The following TTN variants were observed in gnomAD, a reference collection of about 807,000 sequenced individuals.
TTN encodes the protein connectin.
Under a neutral mutation model 3,223.0 loss-of-function variants are expected in TTN, and 1,525 were observed. That is an observed-to-expected ratio of 0.47 (90% CI 0.45 to 0.49). The LOEUF is 0.49. Ranked by LOEUF, TTN falls within the 20% of genes least tolerant of loss-of-function variation. The probability of loss-of-function intolerance (pLI) is 0.00; values close to 1 mark genes in which losing one functional copy is unlikely to be tolerated. For missense variants in TTN, 40,786 were observed against 43,424.0 expected (o/e 0.94, Z 5.40); for synonymous variants, 14,094 against 15,161.0 (o/e 0.93, Z 5.17).
intron 1 of TTN, among the ~76,000 whole-genome samples, chr2:178,806,134 A>G (rs562002583): frequency 2.0e-5 from 3 of 152,346 alleles, no homozygotes; most frequent in Non-Finnish European, 4.4e-5. Flanking sequence ...AAATGAAACC[A>G]GCATTCTCTG....
chr2:178,593,745 T>C lies in TTN; in HGVS notation c.58555A>G (p.Lys19519Glu), dbSNP rs775586810. The C allele has an allele frequency of 6.2e-7, 1 of 1,613,304 alleles. No individual in the cohort carries two copies. The highest frequency in any genetic ancestry group is 8.5e-7 in the Non-Finnish European group (1 of 1,179,612). The change falls in exon 298 of 363, where the codon AAG becomes GAG. Residue 19519 changes from lysine to glutamate, a missense_variant. Physicochemically the swap from Lys to Glu is moderately conservative, Grantham distance 56. Coordinates refer to ENST00000589042, the MANE Select transcript of TTN (RefSeq NM_001267550.2). Reference protein sequence around the residue: ...GSKITNYIIEKKEVGKDVWMP... With the variant: ...GSKITNYIIEEKEVGKDVWMP... ...CAGACGTCTTTACCCACTTCCTTCT[T>C]CTCAATAATATAATTGGTGATTTTA...
In TTN at chr2:178,560,207, A is replaced by G; in HGVS notation, c.85925T>C (p.Leu28642Ser). ...GAACACTGGATCTTCTGCCCTAATTAAGGGAGAGGTTTCACTTGGAAGACT... is the reference window on the plus strand; with the variant it reads ...GAACACTGGATCTTCTGCCCTAATTGAGGGAGAGGTTTCACTTGGAAGACT... ...GLSLPSETSPLIRAEDPVFLP... is the reference protein window; with the variant it reads ...GLSLPSETSPSIRAEDPVFLP... The change falls in exon 326 of 363, where the codon TTA becomes TCA. Residue 28642 changes from leucine (L) to serine (S), a missense_variant. Leu to Ser is a moderately radical substitution (Grantham distance 145). Transcript: ENST00000589042. 1 of 1,613,722 alleles carries G rather than the reference A, an allele frequency of 6.2e-7. No homozygotes were observed. Among genetic ancestry groups the G allele is most frequent in the Non-Finnish European group, 8.5e-7 (1 of 1,179,770 alleles).
chr2:178,695,294 G>T, intron 115 of TTN, 54 bp downstream of exon 115: 1 of 1,416,906 alleles, frequency 7.1e-7, no homozygotes. Context: ...TGCCAAACAA[G>T]CCATGATAAT....
chr2:178,732,556 G>A lies in TTN; in HGVS notation c.16505C>T (p.Ala5502Val), dbSNP rs1257068950. The change falls in exon 56 of 363, where the codon GCT (alanine) becomes GTT (valine). Residue 5502 changes from alanine to valine, a missense_variant. Physicochemically the swap from Ala to Val is moderately conservative, Grantham distance 64. Transcript: ENST00000589042. Reference protein sequence around the residue: ...SGGSCYITKEALESSLELYLV... With the variant: ...SGGSCYITKEVLESSLELYLV... Reference sequence around the variant, plus strand: ...ATAGAGTTCCAGGGAACTCTCTAAAGCTTCTTTGGTAATATAGCAGCTTCC... The same window carrying A: ...ATAGAGTTCCAGGGAACTCTCTAAAACTTCTTTGGTAATATAGCAGCTTCC... 1.1e-5 allele frequency: 17 copies of A among 1,613,650 alleles called. No homozygotes were observed. Among genetic ancestry groups the A allele is most frequent in the Middle Eastern group, 3.3e-4 (2 of 6,058 alleles).
Position 178,536,997 on chromosome 2 carries a change from G to A in TTN, c.100112C>T (p.Thr33371Ile), listed in dbSNP as rs2154137940. 2 of 1,613,362 alleles carry A rather than the reference G, an allele frequency of 1.2e-6. No individual in the cohort carries two copies. Among genetic ancestry groups the A allele is most frequent in the South Asian group, 1.1e-5 (1 of 90,982 alleles). Residue 33371 changes from threonine (T) to isoleucine (I), a missense_variant, in exon 356 of 363, where the codon ACT (threonine) becomes ATT (isoleucine). By Grantham distance (89) the Thr-to-Ile change is moderately conservative (BLOSUM62 -1). Coordinates refer to ENST00000589042, the MANE Select transcript of TTN (RefSeq NM_001267550.2). ...GYYFRVSAQNTFGISDPLEVS... is the reference protein window; with the variant it reads ...GYYFRVSAQNIFGISDPLEVS... Reference sequence around the variant, plus strand: ...TTCTAGAGGGTCACTGATGCCGAAAGTGTTCTGAGCTGAAACCCGGAAGTA... The same window carrying A: ...TTCTAGAGGGTCACTGATGCCGAAAATGTTCTGAGCTGAAACCCGGAAGTA...
chr2:178,706,225 G>A (rs928362949), intron 102 of TTN, among the ~76,000 whole-genome samples: 1 of 152,192 alleles, frequency 6.6e-6, no homozygotes, highest in Non-Finnish European at 1.5e-5. Flanking sequence ...AAATGGCATA[G>A]TATTTGCATG....
Position 178,689,513 on chromosome 2 carries a change from A to G in TTN, c.31927+2T>C, listed in dbSNP as rs2154278303. ...TTATTTCATGGAGATGGGATTAAGT[A>G]CCTGCTGGTGGTGGAGATTCCTCTC... On this transcript the variant is annotated splice_donor_variant, in intron 123 of 362. Transcript: ENST00000589042. LOFTEE classifies it high-confidence loss of function. 6.2e-7 allele frequency: 1 copy of G among 1,608,634 alleles called. No individual in the cohort carries two copies. The highest frequency in any genetic ancestry group is 8.5e-7 in the Non-Finnish European group (1 of 1,176,858).
chr2:178,767,960 G>A, intron 39 of TTN, 36 bp from the exon 40 acceptor site: 1 of 1,614,034 alleles, frequency 6.2e-7, no homozygotes, highest in Non-Finnish European at 8.5e-7. Flanking sequence ...TTACCGTATG[G>A]TGATTCAGAG....
Position 178,537,629 on chromosome 2 carries a change from G to T in TTN, c.99578C>A (p.Thr33193Lys). 6.2e-7 allele frequency: 1 copy of T among 1,613,726 alleles called. No homozygotes were observed. Among genetic ancestry groups the T allele is most frequent in the South Asian group, 1.1e-5 (1 of 91,074 alleles). The change falls in exon 355 of 363, where the codon ACA becomes AAA. Residue 33193 changes from threonine to lysine, a missense_variant. By Grantham distance (78) the Thr-to-Lys change is moderately conservative. Coordinates refer to ENST00000589042, the MANE Select transcript of TTN (RefSeq NM_001267550.2). The stretch of plus-strand genomic sequence containing the variant: ...TGGGTAACCAGGATGGAACTGCGGT[G>T]TTGCTTGCAGGAGAAGCTTACTACT... ...ETSSKLLLQA[T>K]PQFHPGYPLK...
At chr2:178,668,980 CAA>C (rs1020838667) in intron 159 of TTN, among the ~76,000 whole-genome samples, 3 of 149,076 alleles carry the variant, frequency 2.0e-5, no homozygotes, top group Non-Finnish European at 4.4e-5. Flanking sequence ...TTATGGTTAT[CAA>C]GAGTAAAAAA....
At position 178,790,005 on chromosome 2, in the gene TTN, T is replaced by G. The variant is rs764146059; in HGVS notation, c.1911A>C (p.Arg637Ser). ...SRGREGITTK[R>S]EQVQITQEKM... is the part of the protein sequence containing the mutation. Reference sequence around the variant, plus strand: ...TCTCCTGAGTTATTTGCACTTGTTCTCTTTTGGTAGTAATGCCTTCTCTAC... The same window carrying G: ...TCTCCTGAGTTATTTGCACTTGTTCGCTTTTGGTAGTAATGCCTTCTCTAC... The change falls in exon 12 of 363, where the codon AGA becomes AGC. Residue 637 changes from arginine to serine, a missense_variant. Coordinates refer to ENST00000589042, the MANE Select transcript of TTN (RefSeq NM_001267550.2). The G allele has an allele frequency of 1.9e-6, 3 of 1,613,212 alleles. No homozygotes were observed. Among genetic ancestry groups the G allele is most frequent in the Non-Finnish European group, 2.5e-6 (3 of 1,179,432 alleles).
intron 33 of TTN, among the ~76,000 whole-genome samples, chr2:178,772,059 A>G (rs1030932750): frequency 6.6e-6 from 1 of 152,186 alleles, no homozygotes. Context: ...CTCAAGAAAA[A>G]AATCATTTCT....
chr2:178,555,158 A>G lies in TTN; in HGVS notation c.88307-6T>C. On this transcript the variant is annotated splice_polypyrimidine_tract_variant and splice_region_variant and intron_variant, in intron 330 of 362. Coordinates refer to ENST00000589042, the MANE Select transcript of TTN (RefSeq NM_001267550.2). ...CAAATCAATTACAGGACCACCTGCA[A>G]GAAAAACAGATGAGAAATATTTAAA... 6.3e-7 allele frequency: 1 copy of G among 1,597,082 alleles called. No individual in the cohort carries two copies. The highest frequency in any genetic ancestry group is 8.5e-7 in the Non-Finnish European group (1 of 1,175,836).
In TTN at chr2:178,592,646, T is replaced by G. The variant is rs771610118; in HGVS notation, c.59359A>C (p.Ile19787Leu). 5.3e-5 allele frequency: 85 copies of G among 1,613,022 alleles called. No homozygotes were observed. The highest frequency in any genetic ancestry group is 7.0e-5 in the Non-Finnish European group (83 of 1,179,498). ...VKDRLEPPEL[I>L]LDANMAREQH... is the part of the protein sequence containing the mutation. ...TCTCTTGCCATGTTGGCATCAAGAA[T>G]CAACTCAGGGGGTTCTAGAATAAAG... is the stretch of plus-strand genomic sequence containing the variant. Residue 19787 changes from isoleucine to leucine, a missense_variant, in exon 301 of 363, where the codon ATT becomes CTT. Coordinates refer to ENST00000589042, the MANE Select transcript of TTN (RefSeq NM_001267550.2).
rs878948198 is a variant in TTN, at chr2:178,569,964, G to A, written c.76168C>T (p.Pro25390Ser). The A allele has an allele frequency of 5.1e-5, 82 of 1,612,018 alleles. No individual in the cohort carries two copies. Among genetic ancestry groups the A allele is most frequent in the Non-Finnish European group, 6.7e-5 (79 of 1,178,836 alleles). Residue 25390 changes from proline (P) to serine (S), a missense_variant, in exon 326 of 363, where the codon CCA (proline) becomes TCA (serine). Transcript: ENST00000589042. Reference sequence around the variant, plus strand: ...TTTTGGTAAGCAGAAGGAGGGCTTGGTTCACTAAGTCCAGCAGCATTCTCA... The same window carrying A: ...TTTTGGTAAGCAGAAGGAGGGCTTGATTCACTAAGTCCAGCAGCATTCTCA... ...SAENAAGLSE[P>S]SPPSAYQKAC... is the part of the protein sequence containing the mutation.
chr2:178,778,788 T>C, intron 24 of TTN, 86 bp downstream of exon 24: 2 of 1,584,556 alleles, frequency 1.3e-6, no homozygotes, highest in South Asian at 1.1e-5. Flanking sequence ...CCCTCGATTT[T>C]CTTCTTACAC....
At position 178,723,269 on chromosome 2, in the gene TTN, G is replaced by A. The variant is rs1367290383; in HGVS notation, c.21738C>T (p.Ser7246=). 6.2e-7 allele frequency: 1 copy of A among 1,613,490 alleles called. No homozygotes were observed. The highest frequency in any genetic ancestry group is 8.5e-7 in the Non-Finnish European group (1 of 1,179,628). ...CAGTGTAGGTGCTCTCCAGAATTAT[G>A]GACTTCCCTGGTTCTACAGAATGAT... ...LSDHSVEPGK[S]IILESTYTGT... is the part of the protein sequence containing the mutation. Residue 7246 remains serine, a synonymous_variant, in exon 75 of 363, where the codon TCC becomes TCT. Coordinates refer to ENST00000589042, the MANE Select transcript of TTN (RefSeq NM_001267550.2).
chr2:178,551,595 G>T, intron 335 of TTN, 35 bp downstream of exon 335: 1 of 1,494,768 alleles, frequency 6.7e-7, no homozygotes, highest in Non-Finnish European at 9.0e-7. Flanking sequence ...ATGTTCAATT[G>T]CTAAACTAAA....
At position 178,714,582 on chromosome 2, in the gene TTN, A is replaced by G. The variant is rs559145312; in HGVS notation, c.26201-9T>C. ...CACAAATCTTGGTGGTGCTGATGAA[A>G]AAGGAGGAAAGCCTGGGTTTTAAAA... On this transcript the variant is annotated splice_polypyrimidine_tract_variant and intron_variant, in intron 90 of 362. Coordinates refer to ENST00000589042, the MANE Select transcript of TTN (RefSeq NM_001267550.2). 1 of 1,579,222 alleles carries G rather than the reference A, an allele frequency of 6.3e-7. No homozygotes were observed. Among genetic ancestry groups the G allele is most frequent in the African/African-American group, 1.4e-5 (1 of 73,548 alleles).
Sources: gnomAD v4.1 joint callset for allele counts (sites outside exome capture counted in the v4.1 genomes callset) on GRCh38, gnomAD v4.1.1 for gene constraint, MANE v1.5 for transcripts, NCBI Gene and HGNC (gene_info 2026-07-23, HGNC 2026-07-21) for gene names.